Variants in TNN observed in about 807,000 individuals in gnomAD.
The protein encoded by TNN is tenascin-N.
In TNN, 122 loss-of-function variants were observed where a neutral mutation model predicts 134.4. The ratio of observed to expected loss-of-function variants is 0.91; its 90% CI spans 0.78 to 1.06. TNN has a LOEUF of 1.06. TNN is among the 50% of genes least tolerant of loss of function. TNN has a pLI of 0.00. For synonymous variants in TNN, 710 were observed against 670.3 expected (o/e 1.06, Z -0.91); for missense variants, 1,739 against 1,699.4 (o/e 1.02, Z -0.41).
At position 175,097,595 on chromosome 1, in the gene TNN, C is replaced by T. The variant is rs150326540; in HGVS notation, c.1767C>T (p.Gly589=). ...GKEQSSTVLT[G]LRPGVEYTVH... ...AGCAGAGCAGCACTGTCCTGACAGG[C>T]CTGAGGCCAGGTGTGGAGTACACAG... Residue 589 remains glycine, a synonymous_variant, in exon 8 of 19, where the codon GGC becomes GGT. Coordinates refer to ENST00000239462, the MANE Select transcript of TNN (RefSeq NM_022093.2). 3.1e-6 allele frequency: 5 copies of T among 1,614,040 alleles called. No individual in the cohort carries two copies. In the African/African-American group the frequency reaches 6.7e-5, roughly 22 times the overall value.
chr1:175,123,741 G>T, intron 12 of TNN, 78 bp downstream of exon 12: 1 of 1,581,336 alleles, frequency 6.3e-7, no homozygotes, highest in Admixed American at 2.0e-5. Context: ...GGCTGGGGAG[G>T]GGAGCAGGAG....
intron 4 of TNN, 81 bp from the exon 5 acceptor site, chr1:175,083,669 C>T (rs1574143093): frequency 2.2e-6 from 3 of 1,365,510 alleles, no homozygotes; most frequent in Admixed American, 2.1e-5. Flanking sequence ...GGGAGCTGAC[C>T]TGATAACCAA....
intron 4 of TNN, among the ~76,000 whole-genome samples, chr1:175,081,699 G>T (rs139491450): frequency 6.6e-6 from 1 of 152,152 alleles, no homozygotes; most frequent in African/African-American, 2.4e-5. Flanking sequence ...GAACAACTTG[G>T]GTGTCTTGAT....
At chr1:175,091,137 A>G (rs1237198245) in intron 6 of TNN, among the ~76,000 whole-genome samples, 1 of 152,260 alleles carries the variant, frequency 6.6e-6, no homozygotes, top group Non-Finnish European at 1.5e-5. Context: ...TGGAGGTCCC[A>G]TCTCTGAGGC....
chr1:175,105,374 C>A (rs1030427700), intron 9 of TNN, among the ~76,000 whole-genome samples: 5 of 145,076 alleles, frequency 3.4e-5, no homozygotes, highest in African/African-American at 9.9e-5. Flanking sequence ...TTTTTGTGGA[C>A]CTTTGGAGAT....
At chr1:175,089,055 T>G (rs1674383111) in intron 6 of TNN, among the ~76,000 whole-genome samples, 1 of 152,224 alleles carries the variant, frequency 6.6e-6, no homozygotes, top group South Asian at 2.1e-4. Context: ...AATATTTTAT[T>G]GGATTGCAAA....
Position 175,072,783 on chromosome 1 carries a change from T to C in TNN, c.-35-4601T>C, listed in dbSNP as rs548456673. Among the ~76,000 whole-genome samples, 3 of 152,152 alleles carry C rather than the reference T, an allele frequency of 2.0e-5. No homozygotes were observed. In the East Asian group the frequency reaches 5.8e-4, roughly 29 times the overall value. On this transcript the variant is annotated intron_variant, in intron 1 of 18. Transcript: ENST00000239462. ...TGAGAGGCAGTAATTAATGAGGACA[T>C]CTTGTTACAAATCAGAAGGACAGGC...
At chr1:175,120,579 A>G (rs1675324666) in intron 11 of TNN, among the ~76,000 whole-genome samples, 1 of 152,172 alleles carries the variant, frequency 6.6e-6, no homozygotes, top group Admixed American at 6.5e-5. Flanking sequence ...TCTGCATTGT[A>G]GCCAGTGGGA....
At position 175,126,962 on chromosome 1, in the gene TNN, CCCT is replaced by C. The variant is rs1274493890; in HGVS notation, c.2925_2927del (p.Pro976del). On this transcript the variant is annotated inframe_deletion, in exon 13 of 19. Transcript: ENST00000239462. ...CTGACTTTCTACGTACAGAACTCGA[CCCT>C]CCCAGAAACCTTCGTCCATCTGCTG... 6.2e-7 allele frequency: 1 copy of C among 1,611,804 alleles called. No homozygotes were observed. The highest frequency in any genetic ancestry group is 8.5e-7 in the Non-Finnish European group (1 of 1,179,370).
In TNN at chr1:175,077,715, C is replaced by T. The variant is rs747692641; in HGVS notation, c.297C>T (p.Cys99=). The T allele has an allele frequency of 8.1e-6, 13 of 1,614,182 alleles. No homozygotes were observed. The highest frequency in any genetic ancestry group is 7.7e-5 in the South Asian group (7 of 91,090). The part of the protein sequence containing the change: ...NIRLQTPQKD[C]ELAGSVQDLL... ...GCCTTCAGACGCCACAGAAGGACTGCGAGTTGGCAGGCAGTGTCCAGGACC... is the reference window on the plus strand; with the variant it reads ...GCCTTCAGACGCCACAGAAGGACTGTGAGTTGGCAGGCAGTGTCCAGGACC... Residue 99 remains cysteine (C), a synonymous_variant, in exon 2 of 19, where the codon TGC becomes TGT. Coordinates refer to ENST00000239462, the MANE Select transcript of TNN (RefSeq NM_022093.2).
chr1:175,085,589 T>C, intron 6 of TNN, 95 bp downstream of exon 6: 2 of 914,524 alleles, frequency 2.2e-6, no homozygotes, highest in African/African-American at 1.6e-5. Context: ...ATTCTGGGAT[T>C]TGCAGACAGA....
rs760095882 is a variant in TNN, at chr1:175,098,350, A to G, written c.1874A>G (p.Asn625Ser). The change falls in exon 9 of 19, where the codon AAC becomes AGC. Residue 625 changes from asparagine to serine, a missense_variant. Transcript: ENST00000239462. ...NAPTDIDSPKNLVTDRVTENM... is the reference protein window; with the variant it reads ...NAPTDIDSPKSLVTDRVTENM... Reference sequence around the variant, plus strand: ...CTTCCAGATATTGACAGCCCCAAAAACCTGGTGACTGACCGGGTGACAGAG... The same window carrying G: ...CTTCCAGATATTGACAGCCCCAAAAGCCTGGTGACTGACCGGGTGACAGAG... 1 of 1,614,046 alleles carries G rather than the reference A, an allele frequency of 6.2e-7. No homozygotes were observed. Among genetic ancestry groups the G allele is most frequent in the Non-Finnish European group, 8.5e-7 (1 of 1,180,012 alleles).
rs1318779467 is a variant in TNN, at chr1:175,077,424, T to A, written c.6T>A (p.Ser2Arg). 8.1e-6 allele frequency: 13 copies of A among 1,611,852 alleles called. No individual in the cohort carries two copies. The highest frequency in any genetic ancestry group is 5.0e-5 in the Admixed American group (3 of 59,902). The change falls in exon 2 of 19, where the codon AGT becomes AGA. Residue 2 changes from serine (S) to arginine (R), a missense_variant. Physicochemically the swap from Ser to Arg is moderately radical, Grantham distance 110 (BLOSUM62 -1). Coordinates refer to ENST00000239462, the MANE Select transcript of TNN (RefSeq NM_022093.2). M[S>R]LQEMFRFPMG... is the part of the protein sequence containing the mutation. ...TGCTCCCTGTCTTTCCAAGGATGAGTCTCCAGGAGATGTTCCGCTTCCCTA... is the reference window on the plus strand; with the variant it reads ...TGCTCCCTGTCTTTCCAAGGATGAGACTCCAGGAGATGTTCCGCTTCCCTA...
chr1:175,088,442 T>C (rs1674369304), intron 6 of TNN, among the ~76,000 whole-genome samples: 20 of 152,208 alleles, frequency 1.3e-4, no homozygotes. Context: ...CTCCCCTCCT[T>C]CTTGCCCATT....
At chr1:175,073,924 A>AGCTCGGGCCCTGAACTGCCCT (rs559375033) in intron 1 of TNN, among the ~76,000 whole-genome samples, 3,633 of 152,144 alleles carry the variant, frequency 0.024, 138 homozygotes, top group African/African-American at 0.083. Flanking sequence ...CCTGCACCTC[A>AGCTCGGGCCCTGAACTGCCCT]GCTCGGGCCC....
At chr1:175,112,003 C>G (rs1309855944) in intron 9 of TNN, among the ~76,000 whole-genome samples, 2 of 152,002 alleles carry the variant, frequency 1.3e-5, no homozygotes, top group African/African-American at 4.8e-5. Context: ...TGCCTAATTG[C>G]TCTGGCTAGG....
chr1:175,111,249 C>T (rs1374067536), intron 9 of TNN, among the ~76,000 whole-genome samples: 1 of 151,690 alleles, frequency 6.6e-6, no homozygotes, highest in Non-Finnish European at 1.5e-5. Context: ...ACCTGGGAGG[C>T]AGAGGTTGCA....
At chr1:175,136,213 A>G (rs928921210) in intron 16 of TNN, among the ~76,000 whole-genome samples, 1 of 152,170 alleles carries the variant, frequency 6.6e-6, no homozygotes, top group African/African-American at 2.4e-5. Context: ...TAGAAGCCAC[A>G]GTAGTAGAAA....
intron 1 of TNN, among the ~76,000 whole-genome samples, chr1:175,076,222 A>C (rs1042176830): frequency 6.6e-6 from 1 of 152,178 alleles, no homozygotes; most frequent in Admixed American, 6.5e-5. Flanking sequence ...ACAGTGGTGA[A>C]GACACCACCT....
Sources: allele counts gnomAD v4.1 joint callset (sites outside exome capture counted in the v4.1 genomes callset), GRCh38; gene constraint gnomAD v4.1.1; transcripts MANE v1.5; gene names NCBI Gene and HGNC (gene_info 2026-07-23, HGNC 2026-07-21).